The following LYZL4 variants were observed in gnomAD, a reference collection of about 807,000 sequenced individuals.
LYZL4 encodes the protein lysozyme-like protein 4.
A neutral mutation model predicts 17.6 loss-of-function variants in LYZL4; 13 were observed. That is an observed-to-expected ratio of 0.74 (90% CI 0.48 to 1.18). LYZL4 has a LOEUF of 1.18. Among genes scored for constraint, LYZL4 ranks in the 50% most tolerant of loss-of-function variants. LYZL4 has a pLI of 0.00. For synonymous variants in LYZL4, 64 were observed against 67.7 expected, an observed-to-expected ratio of 0.95 and a Z score of 0.27; for missense variants, 174 against 188.2, an observed-to-expected ratio of 0.92 and a Z score of 0.44.
the LYZL4 span, among the ~76,000 whole-genome samples, chr3:42,365,179 T>G: frequency 6.6e-6 from 1 of 152,202 alleles, no homozygotes; most frequent in African/African-American, 2.4e-5. Flanking sequence ...TATGGTAATT[T>G]GGGGAAATTT....
At chr3:42,389,419 C>A in the LYZL4 span, among the ~76,000 whole-genome samples, 1 of 152,144 alleles carries the variant, frequency 6.6e-6, no homozygotes, top group Non-Finnish European at 1.5e-5. Flanking sequence ...CTTTCTGACT[C>A]CCTGCACCAC....
chr3:42,376,456 T>C, the LYZL4 span, among the ~76,000 whole-genome samples: 1 of 152,234 alleles, frequency 6.6e-6, no homozygotes, highest in Non-Finnish European at 1.5e-5. Flanking sequence ...GGAGAACATG[T>C]GCTCATCTGG....
the LYZL4 span, among the ~76,000 whole-genome samples, chr3:42,388,036 G>C: frequency 6.6e-6 from 1 of 152,170 alleles, no homozygotes; most frequent in African/African-American, 2.4e-5. Flanking sequence ...GTGAGCAGGA[G>C]AGCGATTCTC....
At chr3:42,387,952 T>A in the LYZL4 span, among the ~76,000 whole-genome samples, 1 of 151,792 alleles carries the variant, frequency 6.6e-6, no homozygotes, top group African/African-American at 2.4e-5. Context: ...CAAGCAGTGG[T>A]CTTCACCTCC....
At chr3:42,406,453 CAAAAAA>C (rs565639489) in intron 3 of LYZL4, among the ~76,000 whole-genome samples, 2 of 84,176 alleles carry the variant, frequency 2.4e-5, no homozygotes. Context: ...GACTCCGTCT[CAAAAAA>C]AAAAAAAAAA....
chr3:42,404,280 G>A (rs1352774246), intron 3 of LYZL4, among the ~76,000 whole-genome samples, 156 bp from the exon 4 acceptor site: 1 of 152,150 alleles, frequency 6.6e-6, no homozygotes, highest in Non-Finnish European at 1.5e-5. Flanking sequence ...CCCTAAGGAG[G>A]TAGCAGGATG....
the LYZL4 span, among the ~76,000 whole-genome samples, chr3:42,365,648 AG>A: frequency 2.0e-5 from 3 of 152,168 alleles, no homozygotes; most frequent in Non-Finnish European, 2.9e-5. Flanking sequence ...TGCAAAATCA[AG>A]GGGCAGGGTG....
the LYZL4 span, among the ~76,000 whole-genome samples, chr3:42,369,957 G>A: frequency 2.6e-4 from 40 of 152,248 alleles, no homozygotes; most frequent in East Asian, 5.4e-3. Context: ...AGAGGTGGGA[G>A]GACTGCTTGA....
chr3:42,386,907 A>G, the LYZL4 span, among the ~76,000 whole-genome samples: 1 of 152,206 alleles, frequency 6.6e-6, no homozygotes, highest in Non-Finnish European at 1.5e-5. Context: ...TGACAATAGA[A>G]GAAGCTGATT....
chr3:42,383,982 G>A, the LYZL4 span, among the ~76,000 whole-genome samples: 1 of 152,160 alleles, frequency 6.6e-6, no homozygotes, highest in Non-Finnish European at 1.5e-5. Context: ...CTCTAGAAGT[G>A]AAGTACACAG....
At chr3:42,374,344 AG>A in the LYZL4 span, among the ~76,000 whole-genome samples, 3 of 152,190 alleles carry the variant, frequency 2.0e-5, no homozygotes, top group Non-Finnish European at 2.9e-5. Flanking sequence ...CTCCAAGTGC[AG>A]GGGGTGACAT....
the LYZL4 span, among the ~76,000 whole-genome samples, chr3:42,374,383 A>G: frequency 6.6e-6 from 1 of 152,212 alleles, no homozygotes; most frequent in Non-Finnish European, 1.5e-5. Flanking sequence ...TTTTAGTGGT[A>G]AAATGTTATT....
chr3:42,403,385 G>A (rs932241798), intron 4 of LYZL4, among the ~76,000 whole-genome samples: 5 of 151,908 alleles, frequency 3.3e-5, no homozygotes, highest in African/African-American at 7.2e-5. Context: ...TCAGCCTCCC[G>A]AGTTGCTGGG....
chr3:42,392,509 T>C (rs1241726406), downstream of LYZL4, among the ~76,000 whole-genome samples: 1 of 152,160 alleles, frequency 6.6e-6, no homozygotes, highest in Non-Finnish European at 1.5e-5. Flanking sequence ...CAACAGGATT[T>C]TGTGGGATTT....
rs201251667 is a variant in LYZL4 at position 42,402,315 on chromosome 3, C to CTT, written c.371+1729_371+1730dup. ...AGCAAGGCCCCATTTCTTTTCTTTT[C>CTT]TTTCTTTTTTTTTTTTTGAGATGTC... On this transcript the variant is annotated intron_variant, in intron 4 of 4. Coordinates refer to ENST00000287748, the MANE Select transcript of LYZL4 (RefSeq NM_144634.4). Among the ~76,000 whole-genome samples, 311 of 136,980 alleles carry CTT rather than the reference C, an allele frequency of 2.3e-3. 8 individuals carry two copies. The highest frequency in any genetic ancestry group is 3.8e-3 in the Middle Eastern group (1 of 260). 89.9% of individuals were successfully genotyped at this position (136,980 alleles called of 152,430 possible).
the LYZL4 span, among the ~76,000 whole-genome samples, chr3:42,366,699 C>T: frequency 6.6e-6 from 1 of 152,236 alleles, no homozygotes; most frequent in East Asian, 1.9e-4. Context: ...GGCTGGGGCT[C>T]ACAGCCCTCA....
chr3:42,404,222 TC>T, intron 3 of LYZL4, 98 bp from the exon 4 acceptor site: 1 of 636,058 alleles, frequency 1.6e-6, no homozygotes, highest in South Asian at 2.4e-5. Context: ...CAGAGAGTCT[TC>T]CAGTGAATTC....
the LYZL4 span, among the ~76,000 whole-genome samples, chr3:42,370,741 T>G: frequency 1.3e-5 from 2 of 152,230 alleles, no homozygotes; most frequent in Non-Finnish European, 2.9e-5. Flanking sequence ...TCTTCAGGCT[T>G]TACTACATTC....
chr3:42,361,108 C>T, the LYZL4 span, among the ~76,000 whole-genome samples: 1 of 152,128 alleles, frequency 6.6e-6, no homozygotes, highest in Non-Finnish European at 1.5e-5. Flanking sequence ...TTATTAGTTT[C>T]TAGTTTATCT....
Sources: gnomAD v4.1 joint callset for allele counts (sites outside exome capture counted in the v4.1 genomes callset) on GRCh38, gnomAD v4.1.1 for gene constraint, MANE v1.5 for transcripts, NCBI Gene and HGNC (gene_info 2026-07-23, HGNC 2026-07-21) for gene names.